Variants in NAV3 observed in about 807,000 individuals in gnomAD.
NAV3 encodes neuron navigator 3.
Under a neutral mutation model 244.7 loss-of-function variants are expected in NAV3, and 87 were observed. That is an observed-to-expected ratio of 0.36 (90% CI 0.30 to 0.42). The LOEUF (loss-of-function observed/expected upper bound fraction) is 0.42, where lower values mean the gene tolerates loss of function less well. NAV3 is among the 20% of genes least tolerant of loss of function. The pLI, the probability that NAV3 is intolerant of heterozygous loss-of-function variation, is 1.00. For synonymous variants in NAV3, 1,126 were observed against 1,042.2 expected, an observed-to-expected ratio of 1.08 and a Z score of -1.55; for missense variants, 2,663 against 2,893.3, an observed-to-expected ratio of 0.92 and a Z score of 1.83.
Position 78,141,319 on chromosome 12 carries a change from A to C in NAV3, c.4683+985A>C, listed in dbSNP as rs1366147055. ...AAATACAATTCTATCTTTTTTAAAAAAGTAGCCTACAGGAAGTTATATTTT... is the reference window on the plus strand; with the variant it reads ...AAATACAATTCTATCTTTTTTAAAACAGTAGCCTACAGGAAGTTATATTTT... On this transcript the variant is annotated intron_variant, in intron 20 of 39. Coordinates refer to ENST00000397909, the MANE Select transcript of NAV3 (RefSeq NM_001024383.2). Among the ~76,000 whole-genome samples, 4 of 152,194 alleles carry C rather than the reference A, an allele frequency of 2.6e-5. No homozygotes were observed. The South Asian group carries it at 8.3e-4, about 32-fold the overall frequency.
Position 78,064,950 on chromosome 12 carries a change from G to A in NAV3, c.2636+5835G>A, listed in dbSNP as rs944494692. On this transcript the variant is annotated intron_variant, in intron 12 of 39. Transcript: ENST00000397909. ...CCAAGAGTCTGGACTCTTATGAGAA[G>A]TTTCCCAATTTTTAAGTATTAGAAC... 2.6e-5 allele frequency among the ~76,000 whole-genome samples: 4 copies of A among 152,152 alleles called. No homozygotes were observed. In the East Asian group the frequency reaches 7.7e-4, roughly 29 times the overall value.
intron 9 of NAV3, among the ~76,000 whole-genome samples, chr12:78,040,788 A>G (rs528267424): frequency 1.3e-5 from 2 of 152,292 alleles, no homozygotes; most frequent in Non-Finnish European, 2.9e-5. Flanking sequence ...CCTACAATCT[A>G]AGATGCCAAT....
chr12:77,965,926 G>T (rs1242286), intron 3 of NAV3, among the ~76,000 whole-genome samples: 150,607 of 152,244 alleles, frequency 0.99, 74,517 homozygotes, highest in Middle Eastern at 1. Flanking sequence ...ATGCTTTCAC[G>T]GGGACTTATT....
chr12:77,717,482 CA>C (rs1876414099), intron 2 of NAV3, among the ~76,000 whole-genome samples: 1 of 151,784 alleles, frequency 6.6e-6, no homozygotes, highest in Non-Finnish European at 1.5e-5. Context: ...AGTAATATTC[CA>C]TTGTGTGCAT....
chr12:78,205,525 A>C (rs1442668101), intron 39 of NAV3, among the ~76,000 whole-genome samples: 1 of 152,062 alleles, frequency 6.6e-6, no homozygotes, highest in East Asian at 1.9e-4. Flanking sequence ...ATGGAGAACT[A>C]AAAAATATTT....
chr12:77,603,567 G>A (rs945883506), intron 2 of NAV3, among the ~76,000 whole-genome samples: 17 of 152,022 alleles, frequency 1.1e-4, no homozygotes, highest in Non-Finnish European at 2.4e-4. Flanking sequence ...AGAAGCCAGA[G>A]GATCATAATT....
intron 3 of NAV3, among the ~76,000 whole-genome samples, chr12:77,955,316 C>A (rs576928985): frequency 1.3e-5 from 2 of 152,134 alleles, no homozygotes; most frequent in Non-Finnish European, 2.9e-5. Flanking sequence ...CACCTCGTAC[C>A]ACATCCCCTC....
At chr12:77,926,201 C>A (rs1593018230) in intron 1 of NAV3, among the ~76,000 whole-genome samples, 1 of 152,134 alleles carries the variant, frequency 6.6e-6, no homozygotes, top group African/African-American at 2.4e-5. Flanking sequence ...TGAACGTAAA[C>A]AATCCCTTGG....
chr12:77,587,251 C>T (rs1869659129), intron 2 of NAV3, among the ~76,000 whole-genome samples: 2 of 152,070 alleles, frequency 1.3e-5, no homozygotes, highest in Non-Finnish European at 2.9e-5. Flanking sequence ...GGATGAAATG[C>T]TGTTTCAACT....
intron 18 of NAV3, 120 bp downstream of exon 18, chr12:78,128,986 T>C: frequency 1.2e-6 from 1 of 846,110 alleles, no homozygotes; most frequent in South Asian, 1.8e-5. Flanking sequence ...AAAAGCACTT[T>C]AACAGTACCT....
intron 12 of NAV3, among the ~76,000 whole-genome samples, chr12:78,112,607 A>G (rs1035623763): frequency 6.6e-6 from 1 of 152,158 alleles, no homozygotes; most frequent in Non-Finnish European, 1.5e-5. Context: ...TCACAAGAAC[A>G]CAATTAGAGT....
At chr12:77,930,018 T>C (rs1343606744) in intron 1 of NAV3, among the ~76,000 whole-genome samples, 1 of 152,048 alleles carries the variant, frequency 6.6e-6, no homozygotes, top group Non-Finnish European at 1.5e-5. Flanking sequence ...ACATGTAAAG[T>C]TCTACAGGTA....
chr12:78,113,111 G>T (rs182787390), intron 12 of NAV3, among the ~76,000 whole-genome samples: 138 of 152,322 alleles, frequency 9.1e-4, no homozygotes, highest in Admixed American at 1.6e-3. Context: ...GCAAGAGGTG[G>T]GCTCCCACAG....
At chr12:77,672,288 G>A (rs750339147) in intron 2 of NAV3, among the ~76,000 whole-genome samples, 14 of 152,240 alleles carry the variant, frequency 9.2e-5, no homozygotes, top group Non-Finnish European at 1.5e-4. Context: ...CTTTTACACC[G>A]TTGGAGGGAA....
intron 2 of NAV3, among the ~76,000 whole-genome samples, chr12:77,588,176 G>GGT (rs560518819): frequency 0.024 from 3,475 of 145,694 alleles, 62 homozygotes; most frequent in Middle Eastern, 0.086. Context: ...GAAGTGCAGT[G>GGT]GTGTGATCAC....
intron 31 of NAV3, 137 bp from the exon 32 acceptor site, chr12:78,188,111 C>T (rs959785462): frequency 2.9e-5 from 18 of 626,800 alleles, no homozygotes; most frequent in Middle Eastern, 3.6e-4. Flanking sequence ...CCATGTGTGT[C>T]TGTTACTATA....
Position 77,994,874 on chromosome 12 carries a change from C to T in NAV3, c.740+3C>T, listed in dbSNP as rs571932470. On this transcript the variant is annotated splice_donor_region_variant and intron_variant, in intron 6 of 39. Coordinates refer to ENST00000397909, the MANE Select transcript of NAV3 (RefSeq NM_001024383.2). ...ACCAGTCAAAAAAAGCCTACTAGGTCAGTTAATATTCTCTAATTTATTGCT... is the reference window on the plus strand; with the variant it reads ...ACCAGTCAAAAAAAGCCTACTAGGTTAGTTAATATTCTCTAATTTATTGCT... The T allele has an allele frequency of 1.5e-5, 24 of 1,593,638 alleles. No homozygotes were observed. The highest frequency in any genetic ancestry group is 1.2e-4 in the Admixed American group (7 of 59,150).
At position 78,021,833 on chromosome 12, in the gene NAV3, C is replaced by G. The variant is rs2136818092; in HGVS notation, c.1994C>G (p.Thr665Ser). 1 of 1,610,634 alleles carries G rather than the reference C, an allele frequency of 6.2e-7. No individual in the cohort carries two copies. Among genetic ancestry groups the G allele is most frequent in the Non-Finnish European group, 8.5e-7 (1 of 1,178,176 alleles). Residue 665 changes from threonine to serine, a missense_variant, in exon 9 of 40, where the codon ACT becomes AGT. By Grantham distance (58) the Thr-to-Ser change is moderately conservative. Around this residue, in one of 6 missense-constraint regions of NAV3, gnomAD observed 1,521 missense variants for 1,497.0 expected, o/e 1.02. Transcript: ENST00000397909. Reference sequence around the variant, plus strand: ...AAGATGGACTTATCATATAGTAAGACTGCTAAGCAGTGCCTGGAGGAGATA... The same window carrying G: ...AAGATGGACTTATCATATAGTAAGAGTGCTAAGCAGTGCCTGGAGGAGATA... ...PTKMDLSYSK[T>S]AKQCLEEISG...
In NAV3 at chr12:77,985,829, T is replaced by C. The variant is rs867568482; in HGVS notation, c.672-8974T>C. ...ATTCAGGCCTATATAAAATCCTGCCTGAATTTTAGCCATGATTTCCTATTT... is the reference window on the plus strand; with the variant it reads ...ATTCAGGCCTATATAAAATCCTGCCCGAATTTTAGCCATGATTTCCTATTT... On this transcript the variant is annotated intron_variant, in intron 5 of 39. Coordinates refer to ENST00000397909, the MANE Select transcript of NAV3 (RefSeq NM_001024383.2). 1.9e-4 allele frequency among the ~76,000 whole-genome samples: 29 copies of C among 152,326 alleles called. 1 individual carries two copies. The highest frequency in any genetic ancestry group is 6.8e-3 in the Middle Eastern group (2 of 294).
Sources: gnomAD v4.1 joint callset for allele counts (sites outside exome capture counted in the v4.1 genomes callset) on GRCh38, gnomAD v4.1.1 for gene constraint, gnomAD v4.1.1 regional missense constraint, MANE v1.5 for transcripts, NCBI Gene and HGNC (gene_info 2026-07-23, HGNC 2026-07-21) for gene names.